TECPR2: variants seen among roughly 807,000 people sequenced by gnomAD.
The protein encoded by TECPR2 is tectonin beta-propeller repeat-containing protein 2.
A neutral mutation model predicts 138.1 loss-of-function variants in TECPR2; 65 were observed. That is an observed-to-expected ratio of 0.47 (90% CI 0.39 to 0.58). The LOEUF (loss-of-function observed/expected upper bound fraction) is 0.58. TECPR2 is among the 20% of genes least tolerant of loss of function. The probability of loss-of-function intolerance (pLI) is 0.00; values close to 1 mark genes in which losing one functional copy is unlikely to be tolerated. For missense variants in TECPR2, 1,553 were observed against 1,824.5 expected (o/e 0.85, Z 2.71); for synonymous variants, 746 against 749.8 (o/e 0.99, Z 0.08).
chr14:102,496,372 A>G (rs1443251843), intron 17 of TECPR2, among the ~76,000 whole-genome samples: 1 of 152,206 alleles, frequency 6.6e-6, no homozygotes, highest in African/African-American at 2.4e-5. Context: ...GTGGACAGCA[A>G]ACAGGACACT....
intron 9 of TECPR2, among the ~76,000 whole-genome samples, chr14:102,436,796 C>T (rs1889681572): frequency 6.6e-6 from 1 of 152,220 alleles, no homozygotes; most frequent in Non-Finnish European, 1.5e-5. Flanking sequence ...TACATGTTCA[C>T]ATCCTCGCAG....
At chr14:102,435,416 A>G (rs1782622489) in intron 9 of TECPR2, among the ~76,000 whole-genome samples, 1 of 152,114 alleles carries the variant, frequency 6.6e-6, no homozygotes, top group Admixed American at 6.5e-5. Context: ...GACCTGTTCT[A>G]CCCTGCTCAG....
chr14:102,483,057 TA>T (rs1410401864), intron 17 of TECPR2, among the ~76,000 whole-genome samples: 1 of 151,798 alleles, frequency 6.6e-6, no homozygotes, highest in Non-Finnish European at 1.5e-5. Flanking sequence ...TTCACCGTGT[TA>T]GCCAGGATGG....
At chr14:102,465,653 A>C (rs771482082) in intron 17 of TECPR2, 1 of 989,124 alleles carries the variant, frequency 1.0e-6, no homozygotes, top group Non-Finnish European at 1.2e-6. Context: ...AGTATAAAGA[A>C]GGTAAAAGTT....
rs1297089258 is a variant in TECPR2 at position 102,443,173 on chromosome 14, T to G, written c.2753-474T>G. On this transcript the variant is annotated intron_variant, in intron 11 of 19. Transcript: ENST00000359520. The surrounding 1 kb of genome is among the most constrained non-coding windows in gnomAD (Gnocchi z 4.9). ...GGAAGAGCTGCTCTGCCCTGCAGCC[T>G]TTGGGCCTCCATCTGGCCACTCTCC... Among the ~76,000 whole-genome samples the G allele has an allele frequency of 1.3e-5, 2 of 152,250 alleles. No individual in the cohort carries two copies. The highest frequency in any genetic ancestry group is 2.9e-5 in the Non-Finnish European group (2 of 68,036).
At chr14:102,422,538 A>G (rs1254802345) in intron 5 of TECPR2, among the ~76,000 whole-genome samples, 2 of 152,250 alleles carry the variant, frequency 1.3e-5, no homozygotes, top group Non-Finnish European at 2.9e-5. Context: ...TCTGAGAAAC[A>G]TAGTGTTAAG....
Position 102,431,976 on chromosome 14 carries a change from T to G in TECPR2, c.1265T>G (p.Leu422Arg), listed in dbSNP as rs1276975651. The change falls in exon 8 of 20, where the codon CTC becomes CGC. Residue 422 changes from leucine (L) to arginine (R), a missense_variant. Physicochemically the swap from Leu to Arg is moderately radical, Grantham distance 102. Transcript: ENST00000359520. ...SLNSTDSGSGLLPPGLQATPE... is the reference protein window; with the variant it reads ...SLNSTDSGSGRLPPGLQATPE... The stretch of plus-strand genomic sequence containing the variant: ...AACTCCACCGACAGCGGCTCCGGGC[T>G]CCTGCCCCCTGGGCTCCAGGCCACC... The G allele has an allele frequency of 6.2e-7, 1 of 1,612,668 alleles. No homozygotes were observed. Among genetic ancestry groups the G allele is most frequent in the Non-Finnish European group, 8.5e-7 (1 of 1,179,854 alleles).
At chr14:102,389,000 C>T (rs1179105272) in intron 2 of TECPR2, among the ~76,000 whole-genome samples, 7 of 141,284 alleles carry the variant, frequency 5.0e-5, no homozygotes, top group East Asian at 4.2e-4. Flanking sequence ...TGTGGTGGCA[C>T]GTGCCTGTAG....
intron 2 of TECPR2, among the ~76,000 whole-genome samples, chr14:102,390,437 G>A (rs1333274513): frequency 6.6e-6 from 1 of 152,102 alleles, no homozygotes; most frequent in African/African-American, 2.4e-5. Context: ...CAATAGATGA[G>A]ATCAGAAATG....
chr14:102,479,511 G>A (rs1301982939), intron 17 of TECPR2, among the ~76,000 whole-genome samples: 1 of 152,194 alleles, frequency 6.6e-6, no homozygotes, highest in Non-Finnish European at 1.5e-5. Flanking sequence ...GGCTGTTGGA[G>A]GCTCTTGAGC....
intron 9 of TECPR2, chr14:102,437,258 C>A (rs1889692349): frequency 2.1e-6 from 2 of 953,356 alleles, no homozygotes; most frequent in Non-Finnish European, 2.5e-6. Flanking sequence ...TAAAAGAATT[C>A]TAGCAAGGTC....
intron 17 of TECPR2, among the ~76,000 whole-genome samples, chr14:102,490,139 G>A (rs894405726): frequency 7.9e-5 from 12 of 152,148 alleles, no homozygotes; most frequent in Non-Finnish European, 1.5e-4. Context: ...AACCCCACGC[G>A]GCACCTTCCT....
chr14:102,377,497 G>A (rs568387998), intron 2 of TECPR2, among the ~76,000 whole-genome samples: 1 of 152,264 alleles, frequency 6.6e-6, no homozygotes, highest in Non-Finnish European at 1.5e-5. Context: ...CTGAGGTCAG[G>A]AGTTCGAGAC....
rs1567328780 is a variant in TECPR2 at position 102,410,470 on chromosome 14, TAAAAAAAAAAA to T, written c.480+1852_480+1862del. 1.3e-3 allele frequency among the ~76,000 whole-genome samples: 172 copies of T among 135,456 alleles called. 2 individuals are homozygous for T. The highest frequency in any genetic ancestry group is 3.6e-4 in the Non-Finnish European group (23 of 63,418). 88.9% of individuals were successfully genotyped at this position (135,456 alleles called of 152,430 possible). The stretch of plus-strand genomic sequence containing the variant: ...AAGAATTATCAATAAAAAAATAAAT[TAAAAAAAAAAA>T]TAAAAAATAAAAAATAAAAAAATAA... On this transcript the variant is annotated intron_variant, in intron 4 of 19. Transcript: ENST00000359520.
intron 5 of TECPR2, among the ~76,000 whole-genome samples, chr14:102,417,146 T>C (rs1004026252): frequency 6.6e-6 from 1 of 152,222 alleles, no homozygotes; most frequent in African/African-American, 2.4e-5. Context: ...CGTTTTAGGA[T>C]GCAGAAACAA....
rs146524392 is a variant in TECPR2, at chr14:102,397,389, C to T, written c.220-9949C>T. 5.8e-4 allele frequency among the ~76,000 whole-genome samples: 88 copies of T among 152,126 alleles called. No individual in the cohort carries two copies. The East Asian group carries it at 0.016, about 28-fold the overall frequency. On this transcript the variant is annotated intron_variant, in intron 2 of 19. Transcript: ENST00000359520. ...AAAAAAAACAACTGAAACTGTGAGA[C>T]CACATAGTAGACCTACTAGAAAAAG...
chr14:102,449,970 T>G, intron 14 of TECPR2, 101 bp downstream of exon 14: 2 of 1,527,372 alleles, frequency 1.3e-6, no homozygotes, highest in African/African-American at 1.4e-5. Flanking sequence ...GAAAAGATAA[T>G]TTAGTGCCAG....
At chr14:102,424,807 A>C (rs1889269797) in intron 5 of TECPR2, among the ~76,000 whole-genome samples, 172 bp from the exon 6 acceptor site, 1 of 152,210 alleles carries the variant, frequency 6.6e-6, no homozygotes, top group South Asian at 2.1e-4. Context: ...CTCTGTTGGT[A>C]CAGGGATGAC....
At chr14:102,473,024 T>C (rs936187654) in intron 17 of TECPR2, among the ~76,000 whole-genome samples, 4 of 152,376 alleles carry the variant, frequency 2.6e-5, no homozygotes, top group East Asian at 1.9e-4. Flanking sequence ...CACAACAACC[T>C]GGGAAGTGAC....
Sources: gnomAD v4.1 joint callset for allele counts (sites outside exome capture counted in the v4.1 genomes callset) on GRCh38, gnomAD v4.1.1 for gene constraint, Gnocchi (gnomAD v3.1) non-coding constraint, MANE v1.5 for transcripts, NCBI Gene and HGNC (gene_info 2026-07-23, HGNC 2026-07-21) for gene names.